Variants in EXOC4 observed in about 807,000 individuals in gnomAD.
The protein encoded by EXOC4 is SEC8-like 1.
Under a neutral mutation model 107.2 loss-of-function variants are expected in EXOC4, and 71 were observed. That is an observed-to-expected ratio of 0.66 (90% CI 0.55 to 0.81). The LOEUF is 0.81. EXOC4 is among the 30% of genes least tolerant of loss of function. The pLI, the probability that EXOC4 is intolerant of heterozygous loss-of-function variation, is 0.00. For synonymous variants in EXOC4, 456 were observed against 441.2 expected (o/e 1.03, Z -0.42); for missense variants, 1,108 against 1,189.6 (o/e 0.93, Z 1.01).
chr7:133,712,146 T>C (rs988363949), intron 10 of EXOC4, among the ~76,000 whole-genome samples: 1 of 151,942 alleles, frequency 6.6e-6, no homozygotes, highest in Non-Finnish European at 1.5e-5. Context: ...CATTAAAAAA[T>C]TGGAGCCCTC....
intron 7 of EXOC4, among the ~76,000 whole-genome samples, chr7:133,393,630 A>G (rs1796903854): frequency 6.6e-6 from 1 of 152,152 alleles, no homozygotes. Flanking sequence ...GTGCCCTTGT[A>G]AAAGAGGCCC....
At chr7:134,067,149 CAAAAA>C (rs10597442), downstream of EXOC4, among the ~76,000 whole-genome samples, 1 of 121,962 alleles carries the variant, frequency 8.2e-6, no homozygotes, top group Non-Finnish European at 1.7e-5. Flanking sequence ...CACTCTGTCT[CAAAAA>C]AAAAAAAAAA....
chr7:133,539,628 A>G (rs978930067), intron 9 of EXOC4, among the ~76,000 whole-genome samples: 7 of 152,156 alleles, frequency 4.6e-5, no homozygotes, highest in African/African-American at 1.7e-4. Context: ...AAAGCTAACT[A>G]TAAAATCAAT....
chr7:133,372,314 A>T (rs917448293), intron 6 of EXOC4, among the ~76,000 whole-genome samples: 1 of 152,162 alleles, frequency 6.6e-6, no homozygotes, highest in Admixed American at 6.5e-5. Context: ...TGGAGGTCTC[A>T]AAAAAGGTAG....
chr7:133,922,083 T>C (rs1033489494), intron 13 of EXOC4, among the ~76,000 whole-genome samples: 25 of 152,174 alleles, frequency 1.6e-4, no homozygotes, highest in African/African-American at 5.1e-4. Flanking sequence ...TTCTTAGAGT[T>C]TTCATCTCTT....
intron 7 of EXOC4, among the ~76,000 whole-genome samples, chr7:133,420,966 GA>G (rs995290693): frequency 3.3e-4 from 49 of 147,400 alleles, no homozygotes; most frequent in South Asian, 1.7e-3. Flanking sequence ...TTGGGCTTAA[GA>G]AAAAAAAAAT....
intron 14 of EXOC4, among the ~76,000 whole-genome samples, chr7:133,948,848 A>G (rs546189352): frequency 6.6e-6 from 1 of 152,328 alleles, no homozygotes; most frequent in East Asian, 1.9e-4. Flanking sequence ...CTGTTCTCAG[A>G]GTGCAGACCA....
intron 7 of EXOC4, among the ~76,000 whole-genome samples, chr7:133,407,524 A>G (rs6951416): frequency 0.37 from 55,957 of 151,974 alleles, 10,763 homozygotes; most frequent in African/African-American, 0.47. Context: ...TAAGGTCTCT[A>G]TGGCCTAAAG....
intron 9 of EXOC4, among the ~76,000 whole-genome samples, chr7:133,628,290 A>G (rs971034237): frequency 3.3e-5 from 5 of 152,322 alleles, no homozygotes; most frequent in South Asian, 2.1e-4. Flanking sequence ...CTAACTGAAC[A>G]TCACAATTAA....
rs1797027410 is a variant in EXOC4, at chr7:133,398,814, T to C, written c.1182+23812T>C. Among the ~76,000 whole-genome samples the C allele has an allele frequency of 3.3e-5, 5 of 152,324 alleles. 1 individual carries two copies. The Middle Eastern group carries it at 0.01, about 311-fold the overall frequency. On this transcript the variant is annotated intron_variant, in intron 7 of 17. Transcript: ENST00000253861. ...GTGACTTGACTTCCATTTCTCTAAGTGGAAATATTTACATGTATTTCAAAG... is the reference window on the plus strand; with the variant it reads ...GTGACTTGACTTCCATTTCTCTAAGCGGAAATATTTACATGTATTTCAAAG...
chr7:133,823,877 TATA>T (rs1797616375), intron 11 of EXOC4, among the ~76,000 whole-genome samples: 2 of 20,824 alleles, frequency 9.6e-5, no homozygotes, highest in Non-Finnish European at 1.4e-4. Flanking sequence ...ATATATTATA[TATA>T]TATATATATA....
chr7:134,027,018 A>G (rs1795152554), intron 17 of EXOC4, among the ~76,000 whole-genome samples: 1 of 152,186 alleles, frequency 6.6e-6, no homozygotes, highest in African/African-American at 2.4e-5. Context: ...CCTGTATATG[A>G]CAAATGGGTG....
At chr7:133,626,983 C>T (rs1193268625) in intron 9 of EXOC4, among the ~76,000 whole-genome samples, 1 of 152,200 alleles carries the variant, frequency 6.6e-6, no homozygotes, top group Non-Finnish European at 1.5e-5. Context: ...ACTGTCTCAT[C>T]TAATTGCTAT....
chr7:133,269,645 A>T (rs772546754), intron 1 of EXOC4, among the ~76,000 whole-genome samples: 1 of 152,230 alleles, frequency 6.6e-6, no homozygotes, highest in African/African-American at 2.4e-5. Flanking sequence ...GATGAGTGAG[A>T]GTTGACTTGT....
intron 17 of EXOC4, among the ~76,000 whole-genome samples, chr7:134,020,199 T>G (rs1474030168): frequency 3.3e-5 from 5 of 152,194 alleles, no homozygotes; most frequent in East Asian, 1.9e-4. Context: ...AATTTCCCTA[T>G]CAGCTACAGG....
At chr7:133,877,774 T>A (rs1798881185) in intron 11 of EXOC4, among the ~76,000 whole-genome samples, 1 of 152,198 alleles carries the variant, frequency 6.6e-6, no homozygotes, top group Non-Finnish European at 1.5e-5. Flanking sequence ...ACACATGTGC[T>A]CTCTTTCTCT....
chr7:133,325,821 C>G (rs552179920), intron 5 of EXOC4, among the ~76,000 whole-genome samples: 4 of 152,184 alleles, frequency 2.6e-5, no homozygotes, highest in Non-Finnish European at 5.9e-5. Flanking sequence ...CAACTTGGTT[C>G]CATTCTCCCT....
chr7:133,743,959 A>G (rs563138594), intron 10 of EXOC4, among the ~76,000 whole-genome samples: 79 of 152,294 alleles, frequency 5.2e-4, no homozygotes, highest in African/African-American at 1.7e-3. Flanking sequence ...AGGAGGAAGG[A>G]TAGGCTACTG....
At chr7:133,665,989 A>G (rs1793803850) in intron 10 of EXOC4, among the ~76,000 whole-genome samples, 2 of 152,060 alleles carry the variant, frequency 1.3e-5, no homozygotes, top group South Asian at 4.1e-4. Context: ...TTTTTAAAAC[A>G]TTTCTTTTCT....
Sources: allele counts gnomAD v4.1 joint callset (sites outside exome capture counted in the v4.1 genomes callset), GRCh38; gene constraint gnomAD v4.1.1; transcripts MANE v1.5; gene names NCBI Gene and HGNC (gene_info 2026-07-23, HGNC 2026-07-21).